The following PCDH15 variants were observed in gnomAD, a reference collection of about 807,000 sequenced individuals.
PCDH15 encodes the protein protocadherin-15.
In PCDH15, 129 loss-of-function variants were observed where a neutral mutation model predicts 178.5. The observed-to-expected ratio is 0.72, with a 90% CI of 0.63 to 0.84. The LOEUF (loss-of-function observed/expected upper bound fraction) is 0.84, where lower values mean the gene tolerates loss of function less well. Ranked by LOEUF, PCDH15 falls within the 40% of genes least tolerant of loss-of-function variation. The pLI, the probability that PCDH15 is intolerant of heterozygous loss-of-function variation, is 0.00. For missense variants in PCDH15, 2,230 were observed against 2,099.9 expected (o/e 1.06, Z -1.21); for synonymous variants, 800 against 732.0 (o/e 1.09, Z -1.50).
chr10:53,948,577 G>C (rs996907758), intron 23 of PCDH15, among the ~76,000 whole-genome samples: 1 of 152,124 alleles, frequency 6.6e-6, no homozygotes, highest in South Asian at 2.1e-4. Context: ...TTAAGCACCG[G>C]AGGAGTTGGG....
intron 1 of PCDH15, among the ~76,000 whole-genome samples, chr10:55,234,157 A>T (rs1841306790): frequency 6.6e-6 from 1 of 152,042 alleles, no homozygotes; most frequent in South Asian, 2.1e-4. Context: ...TAAAATCTGA[A>T]TGAAAGAGCT....
chr10:54,365,135 C>T (rs1192876865), intron 5 of PCDH15, among the ~76,000 whole-genome samples: 1 of 152,106 alleles, frequency 6.6e-6, no homozygotes. Flanking sequence ...CTATTAACTT[C>T]CATAACCTTA....
intron 2 of PCDH15, among the ~76,000 whole-genome samples, chr10:55,043,042 T>G (rs1344807208): frequency 6.6e-6 from 1 of 152,136 alleles, no homozygotes; most frequent in African/African-American, 2.4e-5. Context: ...CATGACTTTG[T>G]TCATTACCTC....
Position 55,128,064 on chromosome 10 carries a change from G to A in PCDH15, c.-80+38512C>T, listed in dbSNP as rs185282711. On this transcript the variant is annotated intron_variant, in intron 2 of 5. Transcript: ENST00000458638. ...TCTAAAGACAGCTTAGATTTAGAGAGTGTAGATACTGGATTCCTAACTGCT... is the reference window on the plus strand; with the variant it reads ...TCTAAAGACAGCTTAGATTTAGAGAATGTAGATACTGGATTCCTAACTGCT... Among the ~76,000 whole-genome samples, 222 of 152,098 alleles carry A rather than the reference G, an allele frequency of 1.5e-3. 1 individual carries two copies. Among genetic ancestry groups the A allele is most frequent in the African/African-American group, 5.1e-3 (213 of 41,542 alleles).
In PCDH15 at chr10:55,330,217, G is replaced by A. The variant is rs867385471; in HGVS notation, c.-155-163566C>T. 8.6e-5 allele frequency among the ~76,000 whole-genome samples: 13 copies of A among 151,820 alleles called. No homozygotes were observed. The South Asian group carries it at 2.7e-3, about 32-fold the overall frequency. On this transcript the variant is annotated intron_variant, in intron 2 of 5. Transcript: ENST00000613346. ...CTAGATATTTGAGGCTTTTATACAT[G>A]ATGTTTGCATTCAAGGATCATGAGA...
chr10:55,248,714 G>A (rs1841748789), intron 1 of PCDH15, among the ~76,000 whole-genome samples: 1 of 152,070 alleles, frequency 6.6e-6, no homozygotes, highest in Non-Finnish European at 1.5e-5. Context: ...GTGCCAAAAT[G>A]CCCTGTTAAT....
chr10:54,652,080 G>C (rs1003788682), intron 2 of PCDH15, among the ~76,000 whole-genome samples: 5 of 152,066 alleles, frequency 3.3e-5, no homozygotes, highest in South Asian at 2.1e-4. Context: ...CTAGGAAAAG[G>C]GAGTAAATGT....
chr10:55,267,607 A>G (rs1256474491), intron 1 of PCDH15, among the ~76,000 whole-genome samples: 1 of 152,206 alleles, frequency 6.6e-6, no homozygotes, highest in African/African-American at 2.4e-5. Flanking sequence ...GGTTTCCTAC[A>G]GTAAAGTAGC....
At chr10:55,459,137 AC>A (rs1219966017) in intron 2 of PCDH15, among the ~76,000 whole-genome samples, 1 of 151,026 alleles carries the variant, frequency 6.6e-6, no homozygotes, top group Non-Finnish European at 1.5e-5. Context: ...AAAGTACAAG[AC>A]AACAGTGTTC....
chr10:54,174,699 T>TTTA (rs2047253451), intron 13 of PCDH15, among the ~76,000 whole-genome samples: 1 of 101,510 alleles, frequency 9.9e-6, no homozygotes, highest in Non-Finnish European at 1.9e-5. Context: ...TTCTTTTTCT[T>TTTA]TTCTTTTTTT....
intron 2 of PCDH15, among the ~76,000 whole-genome samples, chr10:54,944,943 A>G (rs945023683): frequency 6.6e-6 from 1 of 151,878 alleles, no homozygotes; most frequent in Non-Finnish European, 1.5e-5. Context: ...TTGTATTTAC[A>G]CTGTAAGCAG....
intron 3 of PCDH15, among the ~76,000 whole-genome samples, chr10:54,819,432 T>A (rs1564536608): frequency 6.6e-6 from 1 of 152,018 alleles, no homozygotes; most frequent in South Asian, 2.1e-4. Context: ...TTTTACATTA[T>A]TTGTTTTAAA....
intron 3 of PCDH15, among the ~76,000 whole-genome samples, chr10:54,864,147 T>C (rs1296153626): frequency 6.6e-6 from 1 of 152,168 alleles, no homozygotes; most frequent in Non-Finnish European, 1.5e-5. Flanking sequence ...TTATCTGTGA[T>C]ATTTTCATAC....
intron 36 of PCDH15, among the ~76,000 whole-genome samples, chr10:53,811,348 A>T (rs900756602): frequency 1.3e-5 from 2 of 152,192 alleles, no homozygotes; most frequent in African/African-American, 4.8e-5. Flanking sequence ...TCAATGTAAA[A>T]TATCAATATG....
intron 5 of PCDH15, among the ~76,000 whole-genome samples, chr10:54,364,612 C>CT (rs201811770): frequency 2.0e-5 from 3 of 151,898 alleles, no homozygotes; most frequent in East Asian, 1.9e-4. Flanking sequence ...TGTTTCCTTG[C>CT]TTTTTTTTCT....
chr10:55,068,176 G>A (rs957956391), intron 2 of PCDH15, among the ~76,000 whole-genome samples: 2 of 151,932 alleles, frequency 1.3e-5, no homozygotes, highest in African/African-American at 4.8e-5. Context: ...GTCCTGAAGA[G>A]TTTTTCTTAT....
chr10:54,543,340 G>A (rs531384399), intron 2 of PCDH15, among the ~76,000 whole-genome samples: 1 of 152,244 alleles, frequency 6.6e-6, no homozygotes, highest in East Asian at 1.9e-4. Context: ...CCTATAGATG[G>A]CAAACTAAAA....
At chr10:54,828,746 T>C in intron 3 of PCDH15, among the ~76,000 whole-genome samples, 1 of 152,010 alleles carries the variant, frequency 6.6e-6, no homozygotes, top group East Asian at 1.9e-4. Flanking sequence ...ATATTCAAAT[T>C]TGCATTCTAA....
At chr10:54,276,286 A>G (rs1256934211) in intron 8 of PCDH15, among the ~76,000 whole-genome samples, 1 of 151,766 alleles carries the variant, frequency 6.6e-6, no homozygotes, top group East Asian at 1.9e-4. Context: ...TAAGAAAGCA[A>G]TACATCACTA....
Sources: allele counts gnomAD v4.1 joint callset (sites outside exome capture counted in the v4.1 genomes callset), GRCh38; gene constraint gnomAD v4.1.1; transcripts MANE v1.5; gene names NCBI Gene and HGNC (gene_info 2026-07-23, HGNC 2026-07-21).